Variants in CCDC7 observed in about 807,000 individuals in gnomAD.
CCDC7 encodes coiled-coil domain containing 7, also known as coiled-coil domain-containing protein 7.
Under a neutral mutation model 196.9 loss-of-function variants are expected in CCDC7, and 183 were observed. That is an observed-to-expected ratio of 0.93 (90% CI 0.82 to 1.05). The LOEUF (loss-of-function observed/expected upper bound fraction) is 1.05, where lower values mean the gene tolerates loss of function less well. Ranked by LOEUF, CCDC7 falls within the 50% of genes least tolerant of loss-of-function variation. The pLI is 0.00. For synonymous variants in CCDC7, 525 were observed against 484.6 expected (o/e 1.08, Z -1.10); for missense variants, 1,540 against 1,482.2 (o/e 1.04, Z -0.64).
At chr10:32,601,123 A>C (rs762327400) in intron 18 of CCDC7, among the ~76,000 whole-genome samples, 7 of 152,082 alleles carry the variant, frequency 4.6e-5, no homozygotes, top group Non-Finnish European at 7.4e-5. Context: ...GACTTTCTGG[A>C]ATGTAGTAGC....
intron 14 of CCDC7, among the ~76,000 whole-genome samples, chr10:32,567,100 T>TAG: frequency 7.2e-6 from 1 of 138,030 alleles, no homozygotes; most frequent in African/African-American, 2.6e-5. Context: ...ATTAGTTATA[T>TAG]TTAGAAAAAT....
Position 32,671,182 on chromosome 10 carries a change from A to G in CCDC7, c.2122+7021A>G, listed in dbSNP as rs904058889. Among the ~76,000 whole-genome samples the G allele has an allele frequency of 3.4e-5, 5 of 148,476 alleles. No individual in the cohort carries two copies. In the East Asian group the frequency reaches 9.6e-4, roughly 29 times the overall value. On this transcript the variant is annotated intron_variant, in intron 21 of 41. Transcript: ENST00000639629. The stretch of plus-strand genomic sequence containing the variant: ...AGGCCTTGACATTCACCACTCACTT[A>G]CTCACTCACTCAGAGTAACTCTTAG...
chr10:32,692,796 C>T (rs867432617), intron 23 of CCDC7, among the ~76,000 whole-genome samples: 1 of 152,178 alleles, frequency 6.6e-6, no homozygotes, highest in African/African-American at 2.4e-5. Flanking sequence ...CATTTTACCC[C>T]ACAGAAAAGC....
chr10:32,864,877 G>T (rs2136596717), intron 41 of CCDC7, among the ~76,000 whole-genome samples: 1 of 151,938 alleles, frequency 6.6e-6, no homozygotes, highest in Admixed American at 6.6e-5. Flanking sequence ...TGCAGTAACG[G>T]CAGAGTAGTT....
At chr10:32,804,457 A>G (rs2085411335) in intron 29 of CCDC7, among the ~76,000 whole-genome samples, 1 of 152,176 alleles carries the variant, frequency 6.6e-6, no homozygotes, top group Non-Finnish European at 1.5e-5. Context: ...ATTATTTTCC[A>G]TCGCTGGTGC....
intron 28 of CCDC7, among the ~76,000 whole-genome samples, chr10:32,765,655 G>C (rs1332755902): frequency 1.3e-5 from 2 of 151,972 alleles, no homozygotes; most frequent in Non-Finnish European, 2.9e-5. Flanking sequence ...TCAAGGACTT[G>C]AAAAATGTAG....
chr10:32,604,857 T>C (rs2061411671), intron 18 of CCDC7, among the ~76,000 whole-genome samples: 1 of 152,236 alleles, frequency 6.6e-6, no homozygotes, highest in Non-Finnish European at 1.5e-5. Context: ...TATAAGATCA[T>C]GTCATCTGTA....
intron 3 of CCDC7, among the ~76,000 whole-genome samples, chr10:32,459,321 A>C (rs2035078085): frequency 6.6e-6 from 1 of 151,454 alleles, no homozygotes; most frequent in Admixed American, 6.6e-5. Context: ...TTTAGTGTGA[A>C]CCTCTAGAGA....
intron 25 of CCDC7, among the ~76,000 whole-genome samples, chr10:32,720,681 A>G (rs925951554): frequency 1.3e-5 from 2 of 152,144 alleles, no homozygotes; most frequent in Admixed American, 6.6e-5. Context: ...TGTTTGTGGC[A>G]TTCAGTGCAC....
chr10:32,852,582 T>C (rs1023177892), intron 40 of CCDC7, among the ~76,000 whole-genome samples: 8 of 152,078 alleles, frequency 5.3e-5, no homozygotes, highest in African/African-American at 1.7e-4. Flanking sequence ...TTCTGGGTTC[T>C]CCTGCCTTAG....
intron 6 of CCDC7, among the ~76,000 whole-genome samples, chr10:32,471,679 T>C (rs1187660738): frequency 6.6e-6 from 1 of 152,160 alleles, no homozygotes; most frequent in Non-Finnish European, 1.5e-5. Context: ...CAAGTAAAAT[T>C]TTTACATTTA....
chr10:32,477,493 G>A (rs1007267222), intron 8 of CCDC7, among the ~76,000 whole-genome samples: 2 of 151,706 alleles, frequency 1.3e-5, no homozygotes, highest in South Asian at 2.1e-4. Context: ...GAGCCACTGC[G>A]CCCAGCCCAT....
chr10:32,528,503 G>A (rs1280180271), intron 11 of CCDC7, among the ~76,000 whole-genome samples: 4 of 151,430 alleles, frequency 2.6e-5, no homozygotes, highest in South Asian at 2.1e-4. Context: ...AGCATACGGT[G>A]TTTGGTTTTC....
At chr10:32,875,044 T>C (rs1412053143) in intron 41 of CCDC7, among the ~76,000 whole-genome samples, 2 of 151,990 alleles carry the variant, frequency 1.3e-5, no homozygotes, top group African/African-American at 2.4e-5. Flanking sequence ...ATTTAATGAA[T>C]TGGATGTCAT....
downstream of CCDC7, chr10:32,877,289 T>C (rs2094623039): frequency 6.6e-6 from 1 of 152,184 alleles, no homozygotes; most frequent in South Asian, 2.1e-4. Context: ...GAGAAATTAT[T>C]CCCTAGTGAT....
At chr10:32,876,299 G>C in intron 41 of CCDC7, 48 bp from the exon 43 acceptor site, 1 of 1,390,464 alleles carries the variant, frequency 7.2e-7, no homozygotes. Flanking sequence ...ATATCAACTG[G>C]AGTAAAATTA....
chr10:32,570,383 A>C (rs1460079463), intron 15 of CCDC7, among the ~76,000 whole-genome samples: 2 of 152,178 alleles, frequency 1.3e-5, no homozygotes, highest in African/African-American at 4.8e-5. Flanking sequence ...GGCCAGTCTC[A>C]TGTTGGTGGC....
intron 28 of CCDC7, among the ~76,000 whole-genome samples, chr10:32,739,109 G>T (rs73261280): frequency 6.6e-5 from 10 of 151,894 alleles, no homozygotes; most frequent in African/African-American, 2.4e-4. Context: ...CATATGATTA[G>T]GTCTAGACAT....
intron 22 of CCDC7, among the ~76,000 whole-genome samples, 178 bp downstream of exon 23, chr10:32,686,258 T>C (rs1280097261): frequency 6.6e-6 from 1 of 152,200 alleles, no homozygotes; most frequent in Non-Finnish European, 1.5e-5. Context: ...AGTTAGTATT[T>C]CTTGTTGTAA....
Sources: allele counts gnomAD v4.1 joint callset (sites outside exome capture counted in the v4.1 genomes callset), GRCh38; gene constraint gnomAD v4.1.1; transcripts MANE v1.5; gene names NCBI Gene and HGNC (gene_info 2026-07-23, HGNC 2026-07-21).